Variants in TENM3 observed in about 807,000 individuals in gnomAD.
TENM3 encodes the protein teneurin-3.
A neutral mutation model predicts 255.1 loss-of-function variants in TENM3; 63 were observed. The ratio of observed to expected loss-of-function variants is 0.25; its 90% CI spans 0.20 to 0.30. The LOEUF (loss-of-function observed/expected upper bound fraction) is 0.30, where lower values mean the gene tolerates loss of function less well. Among genes scored for constraint, TENM3 ranks in the 10% least tolerant of loss-of-function variants. TENM3 has a pLI of 1.00. For missense variants in TENM3, 2,929 were observed against 3,461.1 expected, an observed-to-expected ratio of 0.85 and a Z score of 3.86; for synonymous variants, 1,306 against 1,322.3, an observed-to-expected ratio of 0.99 and a Z score of 0.27.
chr4:182,576,623 T>A (rs9996737), intron 3 of TENM3, among the ~76,000 whole-genome samples: 1 of 152,050 alleles, frequency 6.6e-6, no homozygotes, highest in Non-Finnish European at 1.5e-5. Flanking sequence ...AGTGTGTTGC[T>A]AAAGCTAATC....
At chr4:182,139,515 C>T (rs191119668), upstream of TENM3, among the ~76,000 whole-genome samples, 8 of 152,318 alleles carry the variant, frequency 5.3e-5, no homozygotes, top group Admixed American at 2.0e-4. Context: ...ACCTTGCCAG[C>T]AGCTAATGCC....
At chr4:181,455,413 A>G in the TENM3 span, among the ~76,000 whole-genome samples, 1 of 152,156 alleles carries the variant, frequency 6.6e-6, no homozygotes, top group African/African-American at 2.4e-5. Flanking sequence ...AAAATCTCAA[A>G]TACAAAGAAA....
At chr4:182,572,636 A>T (rs1744508829) in intron 3 of TENM3, among the ~76,000 whole-genome samples, 1 of 152,190 alleles carries the variant, frequency 6.6e-6, no homozygotes, top group South Asian at 2.1e-4. Flanking sequence ...TAGCAAACTG[A>T]TATATCAGTC....
At chr4:181,576,274 G>T in the TENM3 span, among the ~76,000 whole-genome samples, 1 of 152,118 alleles carries the variant, frequency 6.6e-6, no homozygotes, top group Non-Finnish European at 1.5e-5. Context: ...CAAAAGATAT[G>T]ATTTCATTCT....
In TENM3 at chr4:182,600,958, G is replaced by A; in HGVS notation, c.546G>A (p.Leu182=). ...CAAGCAATCAAGGCCAGTCTACCCT[G>A]CAGCCCTTGCCGCCTTCCCATAAGC... ...QPASNQGQST[L]QPLPPSHKQH... The change falls in exon 4 of 28, where the codon CTG becomes CTA. Residue 182 remains leucine (L), a synonymous_variant. Transcript: ENST00000511685. 9 of 1,486,638 alleles carry A rather than the reference G, an allele frequency of 6.1e-6. No homozygotes were observed. The highest frequency in any genetic ancestry group is 5.0e-5 in the African/African-American group (3 of 60,458). The allele number at this position is 1,486,638 out of a possible 1,614,324, so 92.1% of individuals were successfully genotyped here. A position where few individuals can be genotyped will look rare whatever the true frequency, so the allele number is the denominator to read the frequency against.
the TENM3 span, among the ~76,000 whole-genome samples, chr4:181,510,012 T>C: frequency 6.6e-6 from 1 of 152,210 alleles, no homozygotes; most frequent in African/African-American, 2.4e-5. Flanking sequence ...TCAAGCTTTA[T>C]CGGTGTCAAC....
At chr4:182,269,442 G>A (rs1759465809) in intron 1 of TENM3, among the ~76,000 whole-genome samples, 1 of 152,228 alleles carries the variant, frequency 6.6e-6, no homozygotes, top group Non-Finnish European at 1.5e-5. Flanking sequence ...GTGCCCGGAA[G>A]TGACTCTCTA....
At chr4:182,586,733 C>G (rs1190798739) in intron 3 of TENM3, among the ~76,000 whole-genome samples, 2 of 152,102 alleles carry the variant, frequency 1.3e-5, no homozygotes, top group Non-Finnish European at 2.9e-5. Context: ...ATATCTCTGC[C>G]TAGATGTCAT....
At chr4:182,360,891 T>G (rs1765922859) in intron 3 of TENM3, among the ~76,000 whole-genome samples, 1 of 152,204 alleles carries the variant, frequency 6.6e-6, no homozygotes, top group Non-Finnish European at 1.5e-5. Flanking sequence ...AGTGCTTCCT[T>G]CAGGAGCTCT....
chr4:182,309,424 T>C (rs1313901529), intron 1 of TENM3, among the ~76,000 whole-genome samples: 2 of 152,130 alleles, frequency 1.3e-5, no homozygotes, highest in Non-Finnish European at 2.9e-5. Flanking sequence ...CTCCAAATAC[T>C]TGGGGGTAGT....
chr4:182,490,628 G>A (rs1287494912), intron 3 of TENM3, among the ~76,000 whole-genome samples: 5 of 152,140 alleles, frequency 3.3e-5, no homozygotes, highest in East Asian at 1.9e-4. Context: ...GTTGCATGAC[G>A]TAAAATACCC....
the TENM3 span, among the ~76,000 whole-genome samples, chr4:181,877,609 G>T: frequency 6.6e-6 from 1 of 152,198 alleles, no homozygotes; most frequent in South Asian, 2.1e-4. Flanking sequence ...AGGCATAGCA[G>T]CTCCATGATG....
At chr4:181,991,828 C>T in the TENM3 span, among the ~76,000 whole-genome samples, 1 of 152,114 alleles carries the variant, frequency 6.6e-6, no homozygotes. Context: ...GAGATTTCAA[C>T]CCCACCCCTA....
At chr4:182,777,411 T>A (rs1287071626) in intron 24 of TENM3, among the ~76,000 whole-genome samples, 1 of 152,034 alleles carries the variant, frequency 6.6e-6, no homozygotes, top group Admixed American at 6.6e-5. Context: ...TGTGAACACA[T>A]CCTTGCAAAT....
the TENM3 span, among the ~76,000 whole-genome samples, chr4:181,883,777 AT>A: frequency 3.5e-4 from 54 of 152,232 alleles, 1 homozygote; most frequent in Non-Finnish European, 1.9e-4. Flanking sequence ...GCAATATACA[AT>A]TTTTACATCC....
the TENM3 span, among the ~76,000 whole-genome samples, chr4:181,621,208 A>G: frequency 6.6e-6 from 1 of 152,190 alleles, no homozygotes; most frequent in South Asian, 2.1e-4. Flanking sequence ...CTTCAACTTA[A>G]TGATTCTTTC....
chr4:182,540,336 T>C (rs936355893), intron 3 of TENM3, among the ~76,000 whole-genome samples: 4 of 152,276 alleles, frequency 2.6e-5, no homozygotes, highest in African/African-American at 9.6e-5. Context: ...ACACCTGTAA[T>C]CCCAACACTT....
intron 6 of TENM3, among the ~76,000 whole-genome samples, chr4:182,663,786 G>T (rs935573313): frequency 2.0e-5 from 3 of 149,710 alleles, no homozygotes; most frequent in African/African-American, 7.3e-5. Context: ...AAAATACGTT[G>T]TCTATAAGCT....
chr4:182,649,683 T>G (rs1753079167), intron 5 of TENM3, among the ~76,000 whole-genome samples: 1 of 150,500 alleles, frequency 6.6e-6, no homozygotes, highest in Admixed American at 6.6e-5. Context: ...ATCATCATAT[T>G]ACTGTAAAAC....
Sources: allele counts gnomAD v4.1 joint callset (sites outside exome capture counted in the v4.1 genomes callset), GRCh38; gene constraint gnomAD v4.1.1; transcripts MANE v1.5; gene names NCBI Gene and HGNC (gene_info 2026-07-23, HGNC 2026-07-21).